The following AXDND1 variants were observed in gnomAD, a reference collection of about 807,000 sequenced individuals.
The protein encoded by AXDND1 is axonemal dynein light chain domain-containing protein 1.
AXDND1 carries 110 observed loss-of-function variants against 137.5 expected under a neutral mutation model. The observed-to-expected ratio is 0.80, with a 90% CI of 0.69 to 0.94. AXDND1 has a LOEUF of 0.94. Ranked by LOEUF, AXDND1 falls within the 40% of genes least tolerant of loss-of-function variation. The pLI is 0.00. For missense variants in AXDND1, 1,191 were observed against 1,169.8 expected (o/e 1.02, Z -0.26); for synonymous variants, 414 against 399.7 (o/e 1.04, Z -0.43).
chr1:179,492,026 CA>C (rs1666959363), intron 19 of AXDND1, among the ~76,000 whole-genome samples: 1 of 152,166 alleles, frequency 6.6e-6, no homozygotes, highest in Non-Finnish European at 1.5e-5. Flanking sequence ...CACTTTTACA[CA>C]TACTGGTGAG....
At chr1:179,458,464 A>T (rs1319919252) in intron 16 of AXDND1, among the ~76,000 whole-genome samples, 2 of 152,126 alleles carry the variant, frequency 1.3e-5, no homozygotes, top group Admixed American at 1.3e-4. Context: ...TAAACCCATC[A>T]ATTTTCTGTT....
At chr1:179,464,822 C>CT (rs1267522212) in intron 16 of AXDND1, among the ~76,000 whole-genome samples, 14 of 152,160 alleles carry the variant, frequency 9.2e-5, no homozygotes, top group Non-Finnish European at 2.1e-4. Flanking sequence ...TCTTTTTACT[C>CT]TTTTTTCTCT....
At chr1:179,478,567 C>T (rs1664917278) in intron 17 of AXDND1, among the ~76,000 whole-genome samples, 1 of 152,204 alleles carries the variant, frequency 6.6e-6, no homozygotes, top group South Asian at 2.1e-4. Flanking sequence ...GGGCCTGGCC[C>T]ATGAAGCCAT....
At chr1:179,426,480 A>G (rs1326440909) in intron 12 of AXDND1, among the ~76,000 whole-genome samples, 3 of 147,004 alleles carry the variant, frequency 2.0e-5, no homozygotes, top group African/African-American at 8.2e-5. Flanking sequence ...GAACATTTGC[A>G]TGTACTATTG....
intron 16 of AXDND1, chr1:179,448,385 G>C (rs1660034646): frequency 1.5e-6 from 1 of 653,588 alleles, no homozygotes; most frequent in Non-Finnish European, 2.8e-6. Flanking sequence ...TGTAAAAGTG[G>C]CCTCTCAGTT....
intron 20 of AXDND1, among the ~76,000 whole-genome samples, chr1:179,497,600 A>G (rs1477539337): frequency 6.6e-6 from 1 of 152,172 alleles, no homozygotes; most frequent in Non-Finnish European, 1.5e-5. Flanking sequence ...GAACTGGAAC[A>G]AGACAAGGAT....
intron 8 of AXDND1, 45 bp downstream of exon 8, chr1:179,383,589 T>C: frequency 6.9e-7 from 1 of 1,450,480 alleles, no homozygotes; most frequent in Non-Finnish European, 9.7e-7. Context: ...GAGCATGCAC[T>C]CAGGAGGCAG....
At chr1:179,447,052 T>A (rs1365790181) in intron 16 of AXDND1, among the ~76,000 whole-genome samples, 4 of 152,224 alleles carry the variant, frequency 2.6e-5, no homozygotes, top group African/African-American at 9.6e-5. Context: ...CCCTTCTATG[T>A]GTTGGGAACA....
intron 16 of AXDND1, chr1:179,449,402 C>T (rs904337049): frequency 9.4e-5 from 17 of 180,130 alleles, no homozygotes; most frequent in Admixed American, 3.6e-4. Context: ...CCTTGTGCCA[C>T]ATTGTCTTGA....
At position 179,429,620 on chromosome 1, in the gene AXDND1, G is replaced by GTA. The variant is rs1657087287; in HGVS notation, c.1332+2_1332+3dup. The stretch of plus-strand genomic sequence containing the variant: ...TTTCATCATACTGCTATCAAACAAG[G>GTA]TAAAGGTCAATTATCTTCAGTTATG... On this transcript the variant is annotated splice_donor_variant, in intron 13 of 25. Coordinates refer to ENST00000367618, the MANE Select transcript of AXDND1 (RefSeq NM_144696.6). LOFTEE classifies it high-confidence loss of function. The GTA allele has an allele frequency of 5.8e-6, 9 of 1,539,428 alleles. No individual in the cohort carries two copies. In the East Asian group the frequency reaches 2.2e-4, roughly 37 times the overall value.
intron 11 of AXDND1, among the ~76,000 whole-genome samples, chr1:179,407,231 T>C (rs546262606): frequency 1.4e-5 from 2 of 144,242 alleles, no homozygotes; most frequent in African/African-American, 5.2e-5. Context: ...TTTTTCTTTC[T>C]TTTTTTTTTT....
intron 9 of AXDND1, among the ~76,000 whole-genome samples, chr1:179,386,043 T>G (rs1489939788): frequency 6.9e-6 from 1 of 144,666 alleles, no homozygotes; most frequent in Non-Finnish European, 1.5e-5. Flanking sequence ...GATTTTAGGA[T>G]TTTTTCCTTT....
At chr1:179,426,713 T>C (rs1326001336) in intron 12 of AXDND1, among the ~76,000 whole-genome samples, 2 of 152,196 alleles carry the variant, frequency 1.3e-5, no homozygotes, top group Non-Finnish European at 2.9e-5. Flanking sequence ...GAAATTATAG[T>C]TATTCAAACA....
chr1:179,449,141 C>T (rs1376883081), intron 16 of AXDND1: 2 of 454,392 alleles, frequency 4.4e-6, no homozygotes, highest in South Asian at 3.1e-5. Flanking sequence ...CCACTTCAGC[C>T]CCCCAAAGTG....
intron 4 of AXDND1, among the ~76,000 whole-genome samples, chr1:179,374,968 A>C (rs1253382484): frequency 1.3e-5 from 2 of 151,336 alleles, no homozygotes; most frequent in African/African-American, 4.8e-5. Context: ...CCTAGAACTT[A>C]AAGTATAATT....
At chr1:179,419,199 A>T (rs1248785957) in intron 12 of AXDND1, among the ~76,000 whole-genome samples, 1 of 151,532 alleles carries the variant, frequency 6.6e-6, no homozygotes, top group Non-Finnish European at 1.5e-5. Context: ...GAGGCTCCTC[A>T]CTTCCCAGAC....
intron 18 of AXDND1, among the ~76,000 whole-genome samples, chr1:179,490,551 A>G (rs577346626): frequency 2.6e-5 from 4 of 152,246 alleles, no homozygotes; most frequent in Non-Finnish European, 5.9e-5. Context: ...CGCTTACTAA[A>G]TATTTAATGT....
At chr1:179,468,780 C>T (rs1161369228) in intron 17 of AXDND1, 139 bp downstream of exon 17, 29 of 611,458 alleles carry the variant, frequency 4.7e-5, no homozygotes, top group African/African-American at 2.5e-4. Flanking sequence ...TAACCATTAC[C>T]GGTCAATTTT....
At chr1:179,474,308 G>T (rs11808025) in intron 17 of AXDND1, among the ~76,000 whole-genome samples, 9,569 of 152,212 alleles carry the variant, frequency 0.063, 359 homozygotes, top group African/African-American at 0.071. Context: ...TGGAATTGGG[G>T]TACTGCTATA....
Sources: gnomAD v4.1 joint callset for allele counts (sites outside exome capture counted in the v4.1 genomes callset) on GRCh38, gnomAD v4.1.1 for gene constraint, MANE v1.5 for transcripts, NCBI Gene and HGNC (gene_info 2026-07-23, HGNC 2026-07-21) for gene names.